Variants in KIAA1328 observed in about 807,000 individuals in gnomAD.
KIAA1328 encodes KIAA1328, also known as protein hinderin.
KIAA1328 carries 52 observed loss-of-function variants against 68.1 expected under a neutral mutation model. The observed-to-expected ratio is 0.76, with a 90% CI of 0.61 to 0.96. KIAA1328 has a LOEUF of 0.96. Ranked by LOEUF, KIAA1328 falls within the 40% of genes least tolerant of loss-of-function variation. The pLI, the probability that KIAA1328 is intolerant of heterozygous loss-of-function variation, is 0.00. For synonymous variants in KIAA1328, 232 were observed against 239.4 expected (o/e 0.97, Z 0.28); for missense variants, 641 against 677.6 (o/e 0.95, Z 0.60).
chr18:36,855,017 T>C (rs1004446535), intron 4 of KIAA1328, among the ~76,000 whole-genome samples: 3 of 152,228 alleles, frequency 2.0e-5, no homozygotes, highest in African/African-American at 7.2e-5. Context: ...CAGATTCTAT[T>C]GTAAAGTTTT....
At chr18:37,170,250 C>G (rs2059474960) in intron 8 of KIAA1328, among the ~76,000 whole-genome samples, 2 of 152,082 alleles carry the variant, frequency 1.3e-5, no homozygotes, top group Admixed American at 1.3e-4. Flanking sequence ...TAAAATAATG[C>G]TTACAAGTTT....
downstream of KIAA1328, among the ~76,000 whole-genome samples, chr18:37,226,209 G>A (rs568024802): frequency 1.4e-4 from 22 of 152,128 alleles, no homozygotes; most frequent in South Asian, 3.5e-3. Flanking sequence ...AAAGAGAGAC[G>A]AGTCAAAGTC....
intron 6 of KIAA1328, among the ~76,000 whole-genome samples, chr18:37,015,092 G>A (rs1407925050): frequency 6.6e-6 from 1 of 151,822 alleles, no homozygotes; most frequent in Non-Finnish European, 1.5e-5. Flanking sequence ...TAGTAGAGTC[G>A]GGGTTTCACC....
At chr18:37,054,249 T>C (rs779675713) in intron 6 of KIAA1328, among the ~76,000 whole-genome samples, 13 of 152,158 alleles carry the variant, frequency 8.5e-5, no homozygotes, top group Non-Finnish European at 1.5e-4. Context: ...GAAAACAGTA[T>C]GGAGATTTCT....
At chr18:36,979,973 C>T (rs1156433945) in intron 6 of KIAA1328, among the ~76,000 whole-genome samples, 3 of 152,094 alleles carry the variant, frequency 2.0e-5, no homozygotes, top group African/African-American at 7.2e-5. Context: ...CCGTCATGAA[C>T]AGAGTAATGC....
chr18:37,211,592 G>A (rs1265701862), intron 9 of KIAA1328, among the ~76,000 whole-genome samples: 5 of 152,152 alleles, frequency 3.3e-5, no homozygotes, highest in Non-Finnish European at 4.4e-5. Flanking sequence ...TAGTTTAAGT[G>A]TACAGGATGA....
At chr18:37,204,762 CAAAA>C (rs33939558) in intron 9 of KIAA1328, among the ~76,000 whole-genome samples, 5 of 103,422 alleles carry the variant, frequency 4.8e-5, no homozygotes, top group Admixed American at 9.9e-5. Flanking sequence ...GAGTTTCAGT[CAAAA>C]AAAAAAAAAA....
intron 6 of KIAA1328, among the ~76,000 whole-genome samples, chr18:37,013,889 G>T (rs975970513): frequency 2.0e-5 from 3 of 152,204 alleles, no homozygotes; most frequent in Admixed American, 1.3e-4. Context: ...TTGAATGGCA[G>T]TTCTGTTTTA....
chr18:37,136,823 TGA>T (rs2058656645), intron 7 of KIAA1328, among the ~76,000 whole-genome samples: 1 of 152,250 alleles, frequency 6.6e-6, no homozygotes. Flanking sequence ...AGACATTAAC[TGA>T]CTTAAAGAGC....
intron 7 of KIAA1328, among the ~76,000 whole-genome samples, chr18:37,079,356 G>T (rs1419360247): frequency 8.0e-6 from 1 of 125,302 alleles, no homozygotes; most frequent in Non-Finnish European, 1.6e-5. Context: ...GGGAGGGATA[G>T]CTTTAGGAGA....
chr18:36,970,453 C>T (rs1014487824), intron 6 of KIAA1328, among the ~76,000 whole-genome samples: 1 of 152,088 alleles, frequency 6.6e-6, no homozygotes, highest in Non-Finnish European at 1.5e-5. Context: ...AAGTTCTGGC[C>T]AGGGCAATCG....
intron 6 of KIAA1328, among the ~76,000 whole-genome samples, chr18:36,986,445 C>T (rs542967173): frequency 1.9e-4 from 27 of 143,056 alleles, no homozygotes; most frequent in Middle Eastern, 3.4e-3. Context: ...ATGTCCAAAA[C>T]ACCAAAAGCA....
chr18:37,084,207 A>G, intron 7 of KIAA1328: 3 of 1,527,410 alleles, frequency 2.0e-6, no homozygotes, highest in Non-Finnish European at 2.6e-6. Context: ...CAAACTGGAT[A>G]TGAATGGCAG....
intron 6 of KIAA1328, among the ~76,000 whole-genome samples, chr18:37,009,430 A>G (rs1226590193): frequency 6.6e-6 from 1 of 152,088 alleles, no homozygotes; most frequent in Non-Finnish European, 1.5e-5. Flanking sequence ...AGCAGGCACT[A>G]CTGTTATTCC....
chr18:36,853,708 G>A (rs576777747), intron 4 of KIAA1328, among the ~76,000 whole-genome samples: 1 of 151,420 alleles, frequency 6.6e-6, no homozygotes, highest in Admixed American at 6.6e-5. Flanking sequence ...GCCCAGGCTG[G>A]AGTGCAATGG....
At chr18:37,203,307 CTTT>C (rs36031347) in intron 9 of KIAA1328, among the ~76,000 whole-genome samples, 1 of 151,872 alleles carries the variant, frequency 6.6e-6, no homozygotes, top group Non-Finnish European at 1.5e-5. Context: ...ATTTTATAAA[CTTT>C]TATAGTTTTT....
Position 36,865,396 on chromosome 18 carries a change from G to C in KIAA1328, c.333-20161G>C, listed in dbSNP as rs747893444. The stretch of plus-strand genomic sequence containing the variant: ...CTTTCTATTACTGATTTCTAGCTTA[G>C]TTCTATTATGAATAGAGAATAACTT... On this transcript the variant is annotated intron_variant, in intron 4 of 9. Transcript: ENST00000280020. Among the ~76,000 whole-genome samples, 206 of 152,006 alleles carry C rather than the reference G, an allele frequency of 1.4e-3. 6 individuals carry two copies. The highest frequency in any genetic ancestry group is 5.2e-4 in the Admixed American group (8 of 15,288).
chr18:37,191,974 GTC>G (rs1309465152), intron 9 of KIAA1328, among the ~76,000 whole-genome samples: 1 of 152,124 alleles, frequency 6.6e-6, no homozygotes, highest in Non-Finnish European at 1.5e-5. Flanking sequence ...CGAATCTCAG[GTC>G]TCTTCCAAAG....
chr18:36,886,026 A>T (rs2048489789), intron 5 of KIAA1328: 1 of 247,456 alleles, frequency 4.0e-6, no homozygotes, highest in Non-Finnish European at 7.6e-6. Context: ...CAGAAGTTTG[A>T]CTATTTCATG....
Sources: allele counts gnomAD v4.1 joint callset (sites outside exome capture counted in the v4.1 genomes callset), GRCh38; gene constraint gnomAD v4.1.1; transcripts MANE v1.5; gene names NCBI Gene and HGNC (gene_info 2026-07-23, HGNC 2026-07-21).